The following SLC6A19 variants were observed in gnomAD, a reference collection of about 807,000 sequenced individuals.
The protein encoded by SLC6A19 is solute carrier family 6 member 19.
SLC6A19 carries 67 observed loss-of-function variants against 68.3 expected under a neutral mutation model. The observed-to-expected ratio is 0.98, with a 90% confidence interval of 0.81 to 1.20. SLC6A19 has a LOEUF of 1.20. SLC6A19 is among the 50% of genes most tolerant of loss of function. SLC6A19 has a pLI of 0.00. For missense variants in SLC6A19, 813 were observed against 851.6 expected (o/e 0.95, Z 0.56); for synonymous variants, 392 against 374.9 (o/e 1.05, Z -0.53).
At chr5:1,213,870 C>T (rs1282285956) in intron 5 of SLC6A19, 83 bp from the exon 6 acceptor site, 2 of 1,583,772 alleles carry the variant, frequency 1.3e-6, no homozygotes, top group African/African-American at 1.4e-5. Context: ...CTCGACCCTC[C>T]CCGCCTCCCT....
At position 1,221,148 on chromosome 5, in the gene SLC6A19, C is replaced by T. The variant is rs1746368470; in HGVS notation, c.1539-3C>T. On this transcript the variant is annotated splice_polypyrimidine_tract_variant and splice_region_variant and intron_variant, in intron 10 of 11. Coordinates refer to ENST00000304460, the MANE Select transcript of SLC6A19 (RefSeq NM_001003841.3). ...CAGTGACAGCTGTCTCTGGCCTTGG[C>T]AGGTTCAATAAGGACATCGAGTTCA... is the stretch of plus-strand genomic sequence containing the variant. The T allele has an allele frequency of 6.2e-7, 1 of 1,613,254 alleles. No individual in the cohort carries two copies.
chr5:1,219,339 G>A (rs1044714932), intron 9 of SLC6A19, among the ~76,000 whole-genome samples, 166 bp from the exon 10 acceptor site: 1 of 120,038 alleles, frequency 8.3e-6, no homozygotes, highest in African/African-American at 3.3e-5. Context: ...GCGTGCAGCC[G>A]CCGGGCATGT....
rs1746288470 is a variant in SLC6A19, at chr5:1,219,127, G to A, written c.1378+20G>A. 5.0e-6 allele frequency: 8 copies of A among 1,596,730 alleles called. No individual in the cohort carries two copies. The highest frequency in any genetic ancestry group is 3.4e-5 in the South Asian group (3 of 88,938). On this transcript the variant is annotated intron_variant, in intron 9 of 11. Transcript: ENST00000304460. The stretch of plus-strand genomic sequence containing the variant: ...TCACAGGTACGTGTGCAGTCGGGAG[G>A]GGTCCCCATGGCAATGGTGCCACCT...
rs574250812 is a variant in SLC6A19 at position 1,205,119 on chromosome 5, C to T, written c.202+3267C>T. Among the ~76,000 whole-genome samples the T allele has an allele frequency of 4.6e-5, 7 of 152,284 alleles. No individual in the cohort carries two copies. The South Asian group carries it at 6.2e-4, about 14-fold the overall frequency. On this transcript the variant is annotated intron_variant, in intron 1 of 11. Coordinates refer to ENST00000304460, the MANE Select transcript of SLC6A19 (RefSeq NM_001003841.3). The stretch of plus-strand genomic sequence containing the variant: ...CACCTGAGTGAGCCAACATCTGCAG[C>T]GCCGCAGAGAGGCCTGGTTTCCAGG...
In SLC6A19 at chr5:1,215,767, C is replaced by A. The variant is rs1047559069; in HGVS notation, c.888-791C>A. Among the ~76,000 whole-genome samples the A allele has an allele frequency of 6.6e-6, 1 of 152,186 alleles. No homozygotes were observed. Among genetic ancestry groups the A allele is most frequent in the South Asian group, 2.1e-4 (1 of 4,822 alleles). On this transcript the variant is annotated intron_variant, in intron 6 of 11. Transcript: ENST00000304460. This position sits in a 1 kb window ranked among gnomAD's most constrained non-coding sequence, Gnocchi z 5.1. ...TGTGCGCCTAGGAGTGGAGTTGCTG[C>A]GTCATGCTGGCCTCTACATGCAGTC...
In SLC6A19 at chr5:1,216,633, C is replaced by G; in HGVS notation, c.963C>G (p.Val321=). The G allele has an allele frequency of 1.2e-6, 2 of 1,614,086 alleles. No individual in the cohort carries two copies. Among genetic ancestry groups the G allele is most frequent in the South Asian group, 2.2e-5 (2 of 91,086 alleles). The part of the protein sequence containing the change: ...GFTSVYVAIV[V]YSVIGFRATQ... Reference sequence around the variant, plus strand: ...CATCGGTGTATGTGGCCATCGTGGTCTACTCCGTCATTGGGTTCCGCGCCA... The same window carrying G: ...CATCGGTGTATGTGGCCATCGTGGTGTACTCCGTCATTGGGTTCCGCGCCA... Residue 321 remains valine (V), a synonymous_variant, in exon 7 of 12, where the codon GTC becomes GTG. Transcript: ENST00000304460.
Position 1,214,200 on chromosome 5 carries a change from C to T in SLC6A19, c.887+135C>T. On this transcript the variant is annotated intron_variant, in intron 6 of 11. Transcript: ENST00000304460. The surrounding 1 kb of genome is among the most constrained non-coding windows in gnomAD (Gnocchi z 7.4). Reference sequence around the variant, plus strand: ...TGCTGCCCCGATGGGCCCGTTCCCTCCTGCTCGGGGTCCATGTGAGCTGAG... The same window carrying T: ...TGCTGCCCCGATGGGCCCGTTCCCTTCTGCTCGGGGTCCATGTGAGCTGAG... The T allele has an allele frequency of 6.7e-7, 1 of 1,496,228 alleles. No homozygotes were observed. The highest frequency in any genetic ancestry group is 2.0e-5 in the Admixed American group (1 of 49,024). The allele number at this position is 1,496,228 out of a possible 1,614,324, so 92.7% of individuals were successfully genotyped here.
At position 1,221,151 on chromosome 5, in the gene SLC6A19, G is replaced by C. The variant is rs374527866; in HGVS notation, c.1539G>C (p.Arg513Ser). 5 of 1,613,366 alleles carry C rather than the reference G, an allele frequency of 3.1e-6. No individual in the cohort carries two copies. In the Admixed American group the frequency reaches 5.0e-5, roughly 16 times the overall value. The change falls in exon 11 of 12, where the codon AGG becomes AGC. Residue 513 changes from arginine to serine, a missense_variant and splice_region_variant. Coordinates refer to ENST00000304460, the MANE Select transcript of SLC6A19 (RefSeq NM_001003841.3). ...FSVVYVYGVD[R>S]FNKDIEFMIG... is the part of the protein sequence containing the mutation. Reference sequence around the variant, plus strand: ...TGACAGCTGTCTCTGGCCTTGGCAGGTTCAATAAGGACATCGAGTTCATGA... The same window carrying C: ...TGACAGCTGTCTCTGGCCTTGGCAGCTTCAATAAGGACATCGAGTTCATGA...
At position 1,216,869 on chromosome 5, in the gene SLC6A19, G is replaced by A. The variant is rs750499474; in HGVS notation, c.1097G>A (p.Arg366Gln). The change falls in exon 8 of 12, where the codon CGG (arginine) becomes CAG (glutamine). Residue 366 changes from arginine to glutamine, a missense_variant. Transcript: ENST00000304460. ...GAGAACTTTGTGGACATGCAGCAGCGGTGCAACGCCTCCGACCCCGCGGCC... is the reference window on the plus strand; with the variant it reads ...GAGAACTTTGTGGACATGCAGCAGCAGTGCAACGCCTCCGACCCCGCGGCC... The part of the protein sequence containing the change: ...TQENFVDMQQ[R>Q]CNASDPAAYA... 6.2e-6 allele frequency: 10 copies of A among 1,613,586 alleles called. No homozygotes were observed. Among genetic ancestry groups the A allele is most frequent in the East Asian group, 2.2e-5 (1 of 44,900 alleles).
chr5:1,217,602 C>T (rs894806516), intron 8 of SLC6A19, among the ~76,000 whole-genome samples: 4 of 152,224 alleles, frequency 2.6e-5, no homozygotes, highest in Admixed American at 6.5e-5. Context: ...ATTTCCGCAC[C>T]AGCTGGAGCC....
chr5:1,203,898 C>T (rs1266591094), intron 1 of SLC6A19, among the ~76,000 whole-genome samples: 1 of 152,166 alleles, frequency 6.6e-6, no homozygotes, highest in Non-Finnish European at 1.5e-5. Flanking sequence ...CGCAGCTCTG[C>T]CACAAGGGAG....
rs369804798 is a variant in SLC6A19, at chr5:1,216,611, C to A, written c.941C>A (p.Ser314Ter). The change falls in exon 7 of 12, where the codon TCG becomes TAG. Residue 314 changes from serine (S) to a stop codon, truncating the protein, a stop_gained. Coordinates refer to ENST00000304460, the MANE Select transcript of SLC6A19 (RefSeq NM_001003841.3). LOFTEE classifies it high-confidence loss of function. ...GTGTCCATCATCAACGGCTTCACAT[C>A]GGTGTATGTGGCCATCGTGGTCTAC... The part of the protein sequence containing the change: ...VIVSIINGFT[S>*]VYVAIVVYSV... 5.0e-6 allele frequency: 8 copies of A among 1,614,022 alleles called. No homozygotes were observed. The highest frequency in any genetic ancestry group is 6.8e-6 in the Non-Finnish European group (8 of 1,180,054).
At position 1,201,720 on chromosome 5, in the gene SLC6A19, A is replaced by G. The variant is rs769288666; in HGVS notation, c.70A>G (p.Ile24Val). The G allele has an allele frequency of 5.6e-6, 9 of 1,612,414 alleles. No homozygotes were observed. The highest frequency in any genetic ancestry group is 5.0e-5 in the Admixed American group (3 of 60,010). ...RIPSLAELET[I>V]EQEEASSRPK... ...CCCGTCCCTGGCTGAGCTGGAGACCATCGAGCAGGAGGAGGCCAGCTCCCG... is the reference window on the plus strand; with the variant it reads ...CCCGTCCCTGGCTGAGCTGGAGACCGTCGAGCAGGAGGAGGCCAGCTCCCG... Residue 24 changes from isoleucine to valine, a missense_variant, in exon 1 of 12, where the codon ATC becomes GTC. Ile to Val is a conservative substitution (Grantham distance 29, BLOSUM62 3). Coordinates refer to ENST00000304460, the MANE Select transcript of SLC6A19 (RefSeq NM_001003841.3).
rs566389421 is a variant in SLC6A19, at chr5:1,219,402, T to C, written c.1379-103T>C. 5.9e-6 allele frequency: 9 copies of C among 1,519,050 alleles called. No homozygotes were observed. In the Admixed American group the frequency reaches 1.6e-4, roughly 27 times the overall value. 94.1% of individuals were successfully genotyped at this position (1,519,050 alleles called of 1,614,324 possible). ...CAGCCCCCGGGTGTGTGAACAGCTC[T>C]GTCCCTGGCCATATGTGCAGCCCCC... On this transcript the variant is annotated intron_variant, in intron 9 of 11. Transcript: ENST00000304460.
intron 5 of SLC6A19, 104 bp from the exon 6 acceptor site, chr5:1,213,849 A>G: frequency 6.4e-7 from 1 of 1,572,938 alleles, no homozygotes; most frequent in South Asian, 1.1e-5. Context: ...TGTCCTGACC[A>G]CCCCAATAGC....
At chr5:1,206,835 C>T (rs998024574) in intron 1 of SLC6A19, among the ~76,000 whole-genome samples, 2 of 152,298 alleles carry the variant, frequency 1.3e-5, no homozygotes, top group South Asian at 4.1e-4. Context: ...AAAGGTGGCC[C>T]CCAGGAGACA....
chr5:1,201,880 G>A lies in SLC6A19; in HGVS notation c.202+28G>A, dbSNP rs767612383. ...AGGCTGGCCGGGCGGGGCTGCGGGCGAGGCCGTGGCCAGGGAAGCACAGAC... is the reference window on the plus strand; with the variant it reads ...AGGCTGGCCGGGCGGGGCTGCGGGCAAGGCCGTGGCCAGGGAAGCACAGAC... On this transcript the variant is annotated intron_variant, in intron 1 of 11. Transcript: ENST00000304460. 5.6e-6 allele frequency: 9 copies of A among 1,599,772 alleles called. No individual in the cohort carries two copies. The African/African-American group carries it at 9.4e-5, about 17-fold the overall frequency.
At chr5:1,205,634 G>A (rs1043322930) in intron 1 of SLC6A19, among the ~76,000 whole-genome samples, 4 of 152,262 alleles carry the variant, frequency 2.6e-5, no homozygotes, top group Non-Finnish European at 4.4e-5. Flanking sequence ...GAGATGAAGC[G>A]ATAGGAAGAC....
intron 1 of SLC6A19, among the ~76,000 whole-genome samples, chr5:1,204,929 C>T (rs1356236955): frequency 3.3e-5 from 5 of 152,194 alleles, no homozygotes; most frequent in East Asian, 3.9e-4. Context: ...AAAGGGGAAG[C>T]TTAGTCCCTG....
Sources: allele counts gnomAD v4.1 joint callset (sites outside exome capture counted in the v4.1 genomes callset), GRCh38; gene constraint gnomAD v4.1.1; non-coding constraint Gnocchi (gnomAD v3.1); transcripts MANE v1.5; gene names NCBI Gene and HGNC (gene_info 2026-07-23, HGNC 2026-07-21).